C1orf54: variants seen among roughly 807,000 people sequenced by gnomAD.
The protein encoded by C1orf54 is chromosome 1 open reading frame 54, also known as uncharacterized protein C1orf54.
Under a neutral mutation model 14.7 loss-of-function variants are expected in C1orf54, and 12 were observed. That is an observed-to-expected ratio of 0.82 (90% CI 0.52 to 1.32). The LOEUF (loss-of-function observed/expected upper bound fraction) is 1.32, where lower values mean the gene tolerates loss of function less well. Ranked by LOEUF, C1orf54 falls within the 40% of genes most tolerant of loss-of-function variation. C1orf54 has a pLI of 0.00. For missense variants in C1orf54, 163 were observed against 162.2 expected, an observed-to-expected ratio of 1.00 and a Z score of -0.03; for synonymous variants, 65 against 56.3, an observed-to-expected ratio of 1.16 and a Z score of -0.70.
intron 5 of C1orf54, among the ~76,000 whole-genome samples, 182 bp downstream of exon 5, chr1:150,279,923 G>A (rs1157551878): frequency 1.3e-5 from 2 of 152,200 alleles, no homozygotes; most frequent in African/African-American, 4.8e-5. Context: ...GGATGGTGAC[G>A]TGGGAGGATC....
In C1orf54 at chr1:150,274,166, T is replaced by G. The variant is rs894985697; in HGVS notation, c.126T>G (p.Ser42Arg). The G allele has an allele frequency of 5.6e-6, 9 of 1,605,612 alleles. 1 individual carries two copies. The highest frequency in any genetic ancestry group is 6.8e-6 in the Non-Finnish European group (8 of 1,172,518). ...TCTATTATTATACAGTCACCCCCAG[T>G]TATGGTGAGTACATGAAAGGCTCTT... is the stretch of plus-strand genomic sequence containing the variant. The part of the protein sequence containing the change: ...QVVYYYTVTP[S>R]YDDFSADFTI... The change falls in exon 2 of 6, where the codon AGT (serine) becomes AGG (arginine). Residue 42 changes from serine to arginine, a missense_variant. Physicochemically the swap from Ser to Arg is moderately radical, Grantham distance 110 (BLOSUM62 -1). Coordinates refer to ENST00000369099, the MANE Select transcript of C1orf54 (RefSeq NM_024579.4).
At chr1:150,279,427 A>G (rs1472899763) in intron 4 of C1orf54, among the ~76,000 whole-genome samples, 3 of 152,140 alleles carry the variant, frequency 2.0e-5, no homozygotes, top group African/African-American at 7.2e-5. Context: ...AATAGAAACA[A>G]TTGAATTGAA....
At chr1:150,275,873 A>T in intron 3 of C1orf54, 74 bp downstream of exon 3, 1 of 1,344,970 alleles carries the variant, frequency 7.4e-7, no homozygotes, top group Non-Finnish European at 1.1e-6. Context: ...GCAGTGGCTC[A>T]TGCCTATAAT....
intron 3 of C1orf54, 68 bp downstream of exon 3, chr1:150,275,867 T>A: frequency 7.2e-7 from 1 of 1,394,216 alleles, no homozygotes; most frequent in Non-Finnish European, 1.0e-6. Flanking sequence ...CCGGGCGCAG[T>A]GGCTCATGCC....
At chr1:150,275,132 G>A (rs1261960377) in intron 2 of C1orf54, among the ~76,000 whole-genome samples, 4 of 151,238 alleles carry the variant, frequency 2.6e-5, no homozygotes, top group East Asian at 4.0e-4. Flanking sequence ...TCTGCCTCTC[G>A]GCTTCCAGCT....
chr1:150,272,652 G>T, upstream of C1orf54: 4 of 669,006 alleles, frequency 6.0e-6, no homozygotes, highest in South Asian at 5.6e-5. Flanking sequence ...GGCAGTAACC[G>T]GAGATCTAGT....
chr1:150,272,276 C>T (rs146553397), upstream of C1orf54: 1 of 155,896 alleles, frequency 6.4e-6, no homozygotes, highest in East Asian at 1.9e-4. Context: ...TGTTCCTATT[C>T]TCTATAGCTC....
Position 150,276,565 on chromosome 1 carries a change from T to C in C1orf54, c.233T>C (p.Ile78Thr), listed in dbSNP as rs185521424. 1.9e-6 allele frequency: 3 copies of C among 1,614,070 alleles called. No individual in the cohort carries two copies. The highest frequency in any genetic ancestry group is 2.5e-6 in the Non-Finnish European group (3 of 1,179,960). ...ATAACAGAAGCAATAGAGACTACCATTAGTCTTGAAACAGCACGTGCAGAC... is the reference window on the plus strand; with the variant it reads ...ATAACAGAAGCAATAGAGACTACCACTAGTCTTGAAACAGCACGTGCAGAC... Reference protein sequence around the residue: ...KDITEAIETTISLETARADHP... With the variant: ...KDITEAIETTTSLETARADHP... Residue 78 changes from isoleucine to threonine, a missense_variant, in exon 4 of 6, where the codon ATT becomes ACT. Transcript: ENST00000369099.
chr1:150,270,454 C>T (rs1553851041), upstream of C1orf54, among the ~76,000 whole-genome samples: 2 of 151,436 alleles, frequency 1.3e-5, no homozygotes, highest in African/African-American at 4.9e-5. Context: ...CTAGCCTGGC[C>T]AGTGTGGTAA....
chr1:150,272,739 G>C (rs922648461), upstream of C1orf54: 138 of 1,454,608 alleles, frequency 9.5e-5, no homozygotes, highest in African/African-American at 1.5e-4. Context: ...CTTTGGAGGA[G>C]GAGGGGAGGC....
chr1:150,276,826 G>A (rs1344083841), intron 4 of C1orf54, among the ~76,000 whole-genome samples, 194 bp downstream of exon 4: 1 of 152,200 alleles, frequency 6.6e-6, no homozygotes, highest in Admixed American at 6.5e-5. Flanking sequence ...ACACTGGGAA[G>A]ATATGGTACA....
upstream of C1orf54, among the ~76,000 whole-genome samples, chr1:150,271,720 G>C (rs1652215986): frequency 6.6e-6 from 1 of 152,230 alleles, no homozygotes; most frequent in South Asian, 2.1e-4. Context: ...CTCTACACCT[G>C]TAGGACGGAA....
chr1:150,273,105 G>A (rs1420438587), intron 1 of C1orf54, among the ~76,000 whole-genome samples: 2 of 152,194 alleles, frequency 1.3e-5, no homozygotes, highest in African/African-American at 4.8e-5. Context: ...GGAGGCCCTA[G>A]CAACACTGAG....
At chr1:150,279,263 AT>A (rs1652908986) in intron 4 of C1orf54, among the ~76,000 whole-genome samples, 1 of 152,200 alleles carries the variant, frequency 6.6e-6, no homozygotes, top group Non-Finnish European at 1.5e-5. Flanking sequence ...AAAAATAATA[AT>A]AAATAAACAA....
intron 4 of C1orf54, among the ~76,000 whole-genome samples, 191 bp downstream of exon 4, chr1:150,276,823 G>A (rs1259979490): frequency 1.3e-5 from 2 of 152,144 alleles, no homozygotes; most frequent in Non-Finnish European, 2.9e-5. Flanking sequence ...AGAACACTGG[G>A]AAGATATGGT....
At position 150,279,738 on chromosome 1, in the gene C1orf54, G is replaced by C; in HGVS notation, c.396G>C (p.Ter132TyrextTer23). ...AFVQVGMYFM[*>Y] is the part of the protein sequence containing the mutation. ...TTCAGGTGGGGATGTATTTCATGTAGAAGGTAAGAGTGCAGCCACTGGCTT... is the reference window on the plus strand; with the variant it reads ...TTCAGGTGGGGATGTATTTCATGTACAAGGTAAGAGTGCAGCCACTGGCTT... Residue 132 changes from the stop codon to tyrosine (Y), a stop_lost, in exon 5 of 6, where the codon TAG (stop) becomes TAC (tyrosine). Transcript: ENST00000369099. 6.2e-7 allele frequency: 1 copy of C among 1,610,102 alleles called. No homozygotes were observed. The highest frequency in any genetic ancestry group is 8.5e-7 in the Non-Finnish European group (1 of 1,177,566).
At chr1:150,275,889 C>A (rs1024277108) in intron 3 of C1orf54, 90 bp downstream of exon 3, 2 of 1,205,492 alleles carry the variant, frequency 1.7e-6, no homozygotes, top group East Asian at 2.4e-5. Flanking sequence ...ATAATCCCAG[C>A]ACTTTGGGAG....
intron 3 of C1orf54, 77 bp downstream of exon 3, chr1:150,275,876 C>A: frequency 7.6e-7 from 1 of 1,314,718 alleles, no homozygotes; most frequent in Non-Finnish European, 1.1e-6. Flanking sequence ...GTGGCTCATG[C>A]CTATAATCCC....
intron 4 of C1orf54, among the ~76,000 whole-genome samples, chr1:150,277,374 G>A (rs587604081): frequency 1.3e-5 from 2 of 151,794 alleles, no homozygotes; most frequent in Admixed American, 6.6e-5. Context: ...GTGGTGGTGC[G>A]TGCCTGTAAT....
Sources: allele counts gnomAD v4.1 joint callset (sites outside exome capture counted in the v4.1 genomes callset), GRCh38; gene constraint gnomAD v4.1.1; transcripts MANE v1.5; gene names NCBI Gene and HGNC (gene_info 2026-07-23, HGNC 2026-07-21).